The following PSKH1 variants were observed in gnomAD, a reference collection of about 807,000 sequenced individuals.
PSKH1 encodes serine/threonine-protein kinase H1.
Under a neutral mutation model 26.7 loss-of-function variants are expected in PSKH1, and 12 were observed. The ratio of observed to expected loss-of-function variants is 0.45; its 90% confidence interval spans 0.29 to 0.73. The LOEUF (loss-of-function observed/expected upper bound fraction) is 0.73, where lower values mean the gene tolerates loss of function less well. PSKH1 is among the 30% of genes least tolerant of loss of function. The probability of loss-of-function intolerance (pLI) is 0.11; values close to 1 mark genes in which losing one functional copy is unlikely to be tolerated. For missense variants in PSKH1, 431 were observed against 595.2 expected (o/e 0.72, Z 2.87); for synonymous variants, 213 against 234.3 (o/e 0.91, Z 0.83).
At chr16:67,904,315 C>T (rs1746155025) in intron 1 of PSKH1, among the ~76,000 whole-genome samples, 1 of 151,986 alleles carries the variant, frequency 6.6e-6, no homozygotes, top group South Asian at 2.1e-4. Flanking sequence ...AGTAATTCTG[C>T]CTCAGCCTCC....
At chr16:67,898,639 T>A (rs1366088139) in intron 1 of PSKH1, among the ~76,000 whole-genome samples, 1 of 150,838 alleles carries the variant, frequency 6.6e-6, no homozygotes, top group Non-Finnish European at 1.5e-5. Context: ...TTTTTTTTTT[T>A]TGGAGATGGA....
intron 1 of PSKH1, among the ~76,000 whole-genome samples, chr16:67,901,388 G>C (rs2058141515): frequency 6.6e-6 from 1 of 150,510 alleles, no homozygotes; most frequent in Non-Finnish European, 1.5e-5. Context: ...CTGGAGTGCA[G>C]TGGCGCGATC....
chr16:67,906,969 C>CTTTTT (rs986926896), intron 1 of PSKH1, among the ~76,000 whole-genome samples: 1 of 144,624 alleles, frequency 6.9e-6, no homozygotes, highest in Non-Finnish European at 1.5e-5. Context: ...CCCTCTGACT[C>CTTTTT]TTTTTTTTTT....
At chr16:67,912,807 G>T (rs556758110) in intron 2 of PSKH1, among the ~76,000 whole-genome samples, 14 of 152,202 alleles carry the variant, frequency 9.2e-5, no homozygotes, top group Admixed American at 9.2e-4. Flanking sequence ...GGCAGAGGTT[G>T]CAGTGAGCCG....
At chr16:67,919,010 C>T (rs947045769) in intron 2 of PSKH1, among the ~76,000 whole-genome samples, 1 of 152,154 alleles carries the variant, frequency 6.6e-6, no homozygotes. Flanking sequence ...GCAGCCTGGT[C>T]CTATGCTCTG....
rs1178225573 is a variant in PSKH1 at position 67,928,229 on chromosome 16, C to G, written c.*587C>G. The G allele has an allele frequency of 6.5e-6, 1 of 153,180 alleles. No homozygotes were observed. Among genetic ancestry groups the G allele is most frequent in the East Asian group, 1.9e-4 (1 of 5,196 alleles). 9.5% of individuals were successfully genotyped at this position (153,180 alleles called of 1,614,324 possible). A position where few individuals can be genotyped will look rare whatever the true frequency, so the allele number is the denominator to read the frequency against. ...CCACCTCCCAGCCAAGATCTGTCTT[C>G]CTTCATGGTGCCTCCAGGGAGCCTT... On this transcript the variant is annotated 3_prime_UTR_variant, in exon 3 of 3. Transcript: ENST00000291041. The surrounding 1 kb of genome is among the most constrained non-coding windows in gnomAD (Gnocchi z 4.8).
chr16:67,909,268 G>C lies in PSKH1; in HGVS notation c.519G>C (p.Glu173Asp), dbSNP rs1433588898. 1 of 1,614,158 alleles carries C rather than the reference G, an allele frequency of 6.2e-7. No individual in the cohort carries two copies. The highest frequency in any genetic ancestry group is 8.5e-7 in the Non-Finnish European group (1 of 1,180,032). The change falls in exon 2 of 3, where the codon GAG (glutamate) becomes GAC (aspartate). Residue 173 changes from glutamate to aspartate, a missense_variant. By Grantham distance (45) the Glu-to-Asp change is conservative. Transcript: ENST00000291041. The surrounding 1 kb of genome is among the most constrained non-coding windows in gnomAD (Gnocchi z 7.8). ...ETQERVYMVM[E>D]LATGGELFDR... is the part of the protein sequence containing the mutation. Reference sequence around the variant, plus strand: ...AGGAGCGGGTGTACATGGTGATGGAGCTGGCCACTGGTGGAGAGCTCTTTG... The same window carrying C: ...AGGAGCGGGTGTACATGGTGATGGACCTGGCCACTGGTGGAGAGCTCTTTG...
At chr16:67,905,409 C>T (rs2058153522) in intron 1 of PSKH1, among the ~76,000 whole-genome samples, 1 of 152,146 alleles carries the variant, frequency 6.6e-6, no homozygotes, top group Non-Finnish European at 1.5e-5. Context: ...ATTCTCTCTC[C>T]CTGAAACACC....
intron 1 of PSKH1, among the ~76,000 whole-genome samples, chr16:67,894,921 GTTTTT>G (rs553685060): frequency 5.4e-4 from 66 of 123,084 alleles, no homozygotes; most frequent in Middle Eastern, 4.5e-3. Flanking sequence ...GTCTGAGTTA[GTTTTT>G]TTTTTTTTTT....
intron 2 of PSKH1, among the ~76,000 whole-genome samples, chr16:67,916,082 C>A (rs1333080730): frequency 6.6e-6 from 1 of 152,178 alleles, no homozygotes; most frequent in Non-Finnish European, 1.5e-5. Context: ...CCTGACCCCA[C>A]CCACTCCAGC....
chr16:67,895,615 G>A (rs978898395), intron 1 of PSKH1, among the ~76,000 whole-genome samples: 2 of 152,030 alleles, frequency 1.3e-5, no homozygotes, highest in Non-Finnish European at 2.9e-5. Context: ...CATCCTGTTG[G>A]CCAGGCTGGT....
intron 1 of PSKH1, among the ~76,000 whole-genome samples, chr16:67,906,924 G>C (rs1427254028): frequency 6.6e-6 from 1 of 152,032 alleles, no homozygotes; most frequent in Admixed American, 6.5e-5. Flanking sequence ...AGTTAAATCT[G>C]GGTGAAACTG....
chr16:67,897,118 A>G lies in PSKH1; in HGVS notation c.-71+3747A>G, dbSNP rs565815750. 4.6e-5 allele frequency among the ~76,000 whole-genome samples: 7 copies of G among 152,310 alleles called. No individual in the cohort carries two copies. In the East Asian group the frequency reaches 5.8e-4, roughly 13 times the overall value. ...AAAGTATCGACCCTTAAGCTTCAGG[A>G]TAGCTGAGAACAGCTGTCTCCACTG... is the stretch of plus-strand genomic sequence containing the variant. On this transcript the variant is annotated intron_variant, in intron 1 of 2. Transcript: ENST00000291041.
chr16:67,900,164 G>C (rs1190828224), intron 1 of PSKH1, among the ~76,000 whole-genome samples: 1 of 151,438 alleles, frequency 6.6e-6, no homozygotes, highest in African/African-American at 2.4e-5. Flanking sequence ...GTTTCACCAT[G>C]TTGGCCAGGC....
intron 2 of PSKH1, among the ~76,000 whole-genome samples, chr16:67,921,759 G>A (rs1382965765): frequency 6.6e-6 from 1 of 152,154 alleles, no homozygotes; most frequent in Non-Finnish European, 1.5e-5. Flanking sequence ...TCGCTATGTT[G>A]GTGGCACAGG....
chr16:67,893,987 G>A (rs774128359), intron 1 of PSKH1, among the ~76,000 whole-genome samples: 2 of 152,172 alleles, frequency 1.3e-5, no homozygotes, highest in African/African-American at 2.4e-5. Flanking sequence ...GTTCCTTAGT[G>A]CCTTCAGGAC....
chr16:67,894,838 G>C (rs1318899016), intron 1 of PSKH1, among the ~76,000 whole-genome samples: 1 of 151,764 alleles, frequency 6.6e-6, no homozygotes, highest in African/African-American at 2.4e-5. Context: ...GTGGTAGGTA[G>C]TACAGCCTCT....
chr16:67,912,802 A>T (rs780021429), intron 2 of PSKH1, among the ~76,000 whole-genome samples: 2 of 152,046 alleles, frequency 1.3e-5, no homozygotes, highest in Non-Finnish European at 2.9e-5. Flanking sequence ...CATGAGGCAG[A>T]GGTTGCAGTG....
chr16:67,920,321 G>A (rs1446645194), intron 2 of PSKH1, among the ~76,000 whole-genome samples: 3 of 152,170 alleles, frequency 2.0e-5, no homozygotes, highest in African/African-American at 7.2e-5. Context: ...GAGTGCAGTA[G>A]TGTGATTATA....
Sources: allele counts gnomAD v4.1 joint callset (sites outside exome capture counted in the v4.1 genomes callset), GRCh38; gene constraint gnomAD v4.1.1; non-coding constraint Gnocchi (gnomAD v3.1); transcripts MANE v1.5; gene names NCBI Gene and HGNC (gene_info 2026-07-23, HGNC 2026-07-21).